The following RBFOX1 variants were observed in gnomAD, a reference collection of about 807,000 sequenced individuals.
RBFOX1 encodes the protein RNA binding fox-1 homolog 1.
A neutral mutation model predicts 57.7 loss-of-function variants in RBFOX1; 8 were observed. That is an observed-to-expected ratio of 0.14 (90% CI 0.08 to 0.25). The LOEUF is 0.25. Among genes scored for constraint, RBFOX1 ranks in the 10% least tolerant of loss-of-function variants. The pLI, the probability that RBFOX1 is intolerant of heterozygous loss-of-function variation, is 1.00. For missense variants in RBFOX1, 611 were observed against 548.5 expected, an observed-to-expected ratio of 1.11 and a Z score of -1.14; for synonymous variants, 326 against 222.4, an observed-to-expected ratio of 1.47 and a Z score of -4.15.
intron 3 of RBFOX1, among the ~76,000 whole-genome samples, chr16:6,773,310 GT>G (rs1016120470): frequency 1.4e-5 from 2 of 140,578 alleles, no homozygotes; most frequent in Non-Finnish European, 3.0e-5. Context: ...GCATTTGTGT[GT>G]TTGGGTATGG....
intron 3 of RBFOX1, among the ~76,000 whole-genome samples, chr16:5,715,230 G>A (rs957925280): frequency 4.6e-5 from 7 of 152,132 alleles, no homozygotes; most frequent in Admixed American, 3.3e-4. Flanking sequence ...TATAAATCAG[G>A]TCTGCCTTAT....
intron 1 of RBFOX1, among the ~76,000 whole-genome samples, chr16:5,323,536 C>T (rs752478104): frequency 1.3e-5 from 2 of 152,256 alleles, no homozygotes; most frequent in Non-Finnish European, 2.9e-5. Flanking sequence ...CTGGGCTCTG[C>T]AGATGCATTG....
intron 3 of RBFOX1, among the ~76,000 whole-genome samples, chr16:5,842,845 C>G (rs917844212): frequency 2.0e-5 from 3 of 152,070 alleles, no homozygotes; most frequent in Admixed American, 1.3e-4. Context: ...TTGAGACAGA[C>G]TCTCGCACTG....
chr16:6,836,614 C>G (rs556655545), intron 3 of RBFOX1, among the ~76,000 whole-genome samples: 21 of 152,266 alleles, frequency 1.4e-4, no homozygotes, highest in Admixed American at 7.2e-4. Context: ...AGGGGTGTAT[C>G]TTCTGTGAAG....
chr16:5,932,028 T>C (rs1258833329), intron 4 of RBFOX1, among the ~76,000 whole-genome samples: 1 of 152,096 alleles, frequency 6.6e-6, no homozygotes, highest in Non-Finnish European at 1.5e-5. Context: ...GGTTTCGGAC[T>C]CTTGGACTCA....
chr16:7,335,408 T>G (rs565062763), intron 4 of RBFOX1, among the ~76,000 whole-genome samples: 2 of 152,194 alleles, frequency 1.3e-5, no homozygotes, highest in African/African-American at 2.4e-5. Flanking sequence ...CTGGAGATGT[T>G]GAAACAGAGT....
rs971900474 is a variant in RBFOX1 at position 7,712,849 on chromosome 16, T to C, written c.*2104T>C. The C allele has an allele frequency of 8.5e-5, 13 of 152,274 alleles. No individual in the cohort carries two copies. Among genetic ancestry groups the C allele is most frequent in the African/African-American group, 3.1e-4 (13 of 41,478 alleles). The allele number at this position is 152,274 out of a possible 1,614,324, so 9.4% of individuals were successfully genotyped here. ...CCGCCTCAGATTTCAAAATCCAGAA[T>C]TTGTATTGTGTTTCGAATCACAAAC... On this transcript the variant is annotated 3_prime_UTR_variant, in exon 16 of 16. Coordinates refer to ENST00000550418, the MANE Select transcript of RBFOX1 (RefSeq NM_018723.4).
intron 3 of RBFOX1, among the ~76,000 whole-genome samples, chr16:6,662,998 A>G (rs116214617): frequency 0.018 from 2,817 of 152,284 alleles, 92 homozygotes; most frequent in African/African-American, 0.064. Flanking sequence ...ACTGTTTTCT[A>G]CTGGTGGGTT....
Position 6,817,448 on chromosome 16 carries a change from C to A in RBFOX1, c.-16+162798C>A, listed in dbSNP as rs61257116. 7.9e-3 allele frequency among the ~76,000 whole-genome samples: 1,189 copies of A among 150,834 alleles called. 17 individuals carry two copies. Among genetic ancestry groups the A allele is most frequent in the African/African-American group, 0.028 (1,136 of 40,942 alleles). The stretch of plus-strand genomic sequence containing the variant: ...GTGGCTCATGCCTGTAATCCCAACG[C>A]TTTGTGAGGCAGAGGCAGGCAGATT... On this transcript the variant is annotated intron_variant, in intron 3 of 15. Transcript: ENST00000550418.
intron 3 of RBFOX1, among the ~76,000 whole-genome samples, chr16:5,861,626 C>T (rs550057901): frequency 1.3e-5 from 2 of 152,336 alleles, no homozygotes; most frequent in African/African-American, 4.8e-5. Context: ...CGAACATAAG[C>T]AGCCTTCACC....
intron 3 of RBFOX1, among the ~76,000 whole-genome samples, chr16:6,811,305 A>G (rs1244919737): frequency 2.6e-5 from 4 of 152,238 alleles, no homozygotes; most frequent in African/African-American, 9.6e-5. Flanking sequence ...CAACTTTGTA[A>G]AATAGAATTG....
intron 4 of RBFOX1, among the ~76,000 whole-genome samples, chr16:7,236,656 A>T (rs1381726684): frequency 6.6e-6 from 1 of 152,046 alleles, no homozygotes; most frequent in Non-Finnish European, 1.5e-5. Context: ...GGCTTTTAGT[A>T]GTTGTTTGCA....
At chr16:7,508,700 C>T (rs892121449) in intron 4 of RBFOX1, among the ~76,000 whole-genome samples, 2 of 152,108 alleles carry the variant, frequency 1.3e-5, no homozygotes, top group Non-Finnish European at 2.9e-5. Context: ...AGAAAAACCT[C>T]GCCCAGGGGC....
intron 2 of RBFOX1, among the ~76,000 whole-genome samples, chr16:6,641,560 C>A (rs1012116211): frequency 2.0e-5 from 3 of 151,772 alleles, no homozygotes; most frequent in African/African-American, 7.3e-5. Flanking sequence ...CAAAGTGAAA[C>A]CCCGTCTCTA....
intron 4 of RBFOX1, among the ~76,000 whole-genome samples, chr16:7,249,838 G>A (rs1482636201): frequency 6.6e-6 from 1 of 152,110 alleles, no homozygotes; most frequent in Non-Finnish European, 1.5e-5. Flanking sequence ...GGAAATACTT[G>A]AATAAAGGTT....
Position 6,792,225 on chromosome 16 carries a change from C to T in RBFOX1, c.-16+137575C>T, listed in dbSNP as rs576721019. On this transcript the variant is annotated intron_variant, in intron 3 of 15. Coordinates refer to ENST00000550418, the MANE Select transcript of RBFOX1 (RefSeq NM_018723.4). Reference sequence around the variant, plus strand: ...ACAAAACAAGGTCAATTTTAAAGCACTATTGGAGAATTATAGGTGATATTT... The same window carrying T: ...ACAAAACAAGGTCAATTTTAAAGCATTATTGGAGAATTATAGGTGATATTT... Among the ~76,000 whole-genome samples the T allele has an allele frequency of 2.0e-5, 3 of 152,178 alleles. No individual in the cohort carries two copies. The East Asian group carries it at 5.8e-4, about 29-fold the overall frequency.
intron 3 of RBFOX1, among the ~76,000 whole-genome samples, chr16:6,815,695 G>C (rs530119974): frequency 4.7e-4 from 72 of 152,154 alleles, no homozygotes; most frequent in Non-Finnish European, 9.1e-4. Flanking sequence ...CTTGTTCAGC[G>C]ACAGAACACA....
intron 3 of RBFOX1, among the ~76,000 whole-genome samples, chr16:6,830,845 A>T (rs1206028870): frequency 6.6e-6 from 1 of 152,090 alleles, no homozygotes; most frequent in African/African-American, 2.4e-5. Context: ...TATCTGAATC[A>T]CTCATAAAAT....
intron 2 of RBFOX1, among the ~76,000 whole-genome samples, chr16:6,514,329 A>G (rs950597883): frequency 2.6e-5 from 4 of 152,144 alleles, no homozygotes; most frequent in Non-Finnish European, 5.9e-5. Context: ...TCTCTGTAGT[A>G]TGGCGTGGAG....
Sources: allele counts gnomAD v4.1 joint callset (sites outside exome capture counted in the v4.1 genomes callset), GRCh38; gene constraint gnomAD v4.1.1; transcripts MANE v1.5; gene names NCBI Gene and HGNC (gene_info 2026-07-23, HGNC 2026-07-21).